THSD7B: variants seen among roughly 807,000 people sequenced by gnomAD.
The protein encoded by THSD7B is thrombospondin type-1 domain-containing protein 7B.
In THSD7B, 138 loss-of-function variants were observed where a neutral mutation model predicts 213.6. The observed-to-expected ratio is 0.65, with a 90% CI of 0.56 to 0.74. THSD7B has a LOEUF of 0.74. Ranked by LOEUF, THSD7B falls within the 30% of genes least tolerant of loss-of-function variation. The probability of loss-of-function intolerance (pLI) is 0.00; values close to 1 mark genes in which losing one functional copy is unlikely to be tolerated. For missense variants in THSD7B, 1,931 were observed against 1,991.5 expected, an observed-to-expected ratio of 0.97 and a Z score of 0.58; for synonymous variants, 742 against 687.0, an observed-to-expected ratio of 1.08 and a Z score of -1.25.
chr2:137,566,997 A>C (rs190048895), intron 16 of THSD7B, among the ~76,000 whole-genome samples: 10 of 152,202 alleles, frequency 6.6e-5, no homozygotes, highest in Admixed American at 2.0e-4. Flanking sequence ...AAAAAGCAGG[A>C]GCCTTCTTGG....
chr2:137,604,417 A>T (rs564804634), intron 17 of THSD7B, among the ~76,000 whole-genome samples: 40 of 152,256 alleles, frequency 2.6e-4, no homozygotes, highest in African/African-American at 9.4e-4. Context: ...CAGATGTGTG[A>T]TCTATATTCC....
chr2:137,232,583 T>C (rs1681665000), intron 8 of THSD7B, among the ~76,000 whole-genome samples: 1 of 152,194 alleles, frequency 6.6e-6, no homozygotes, highest in African/African-American at 2.4e-5. Flanking sequence ...TAGAAATATT[T>C]TTTGAAAAGC....
chr2:137,650,295 C>CT (rs1340853820), intron 21 of THSD7B, among the ~76,000 whole-genome samples: 1 of 152,002 alleles, frequency 6.6e-6, no homozygotes, highest in East Asian at 1.9e-4. Flanking sequence ...AGCTCTTTCA[C>CT]TTTTTTTGGT....
intron 16 of THSD7B, among the ~76,000 whole-genome samples, chr2:137,563,942 A>G (rs753067313): frequency 2.0e-5 from 3 of 152,190 alleles, no homozygotes; most frequent in Non-Finnish European, 4.4e-5. Flanking sequence ...CAAAGGAAAT[A>G]CATGGTCTGA....
intron 14 of THSD7B, among the ~76,000 whole-genome samples, chr2:137,443,938 T>C (rs1296093633): frequency 6.6e-6 from 1 of 152,120 alleles, no homozygotes; most frequent in Non-Finnish European, 1.5e-5. Context: ...TCAGTTATCA[T>C]ATTGTGGATC....
Position 137,272,539 on chromosome 2 carries a change from C to T in THSD7B, c.2273C>T (p.Ala758Val). The change falls in exon 11 of 28, where the codon GCC becomes GTC. Residue 758 changes from alanine (A) to valine (V), a missense_variant. Transcript: ENST00000409968. ...TCTTTTTCCTTTACTTCAGGAAATG[C>T]CACAGTAAAACAGTCTCGATACAGA... ...PCPRMCQAGNATVKQSRYRII... is the reference protein window; with the variant it reads ...PCPRMCQAGNVTVKQSRYRII... 2 of 1,604,076 alleles carry T rather than the reference C, an allele frequency of 1.2e-6. No individual in the cohort carries two copies. The highest frequency in any genetic ancestry group is 1.7e-6 in the Non-Finnish European group (2 of 1,176,932).
chr2:137,125,483 C>T (rs1275819517), intron 5 of THSD7B, among the ~76,000 whole-genome samples: 1 of 152,190 alleles, frequency 6.6e-6, no homozygotes, highest in African/African-American at 2.4e-5. Context: ...GCAATTCAGT[C>T]ACATCTTTAG....
At chr2:137,421,977 A>G (rs1180916447) in intron 14 of THSD7B, among the ~76,000 whole-genome samples, 3 of 152,208 alleles carry the variant, frequency 2.0e-5, no homozygotes, top group Non-Finnish European at 4.4e-5. Context: ...AAGGAATAAA[A>G]CCTGAAAATC....
intron 6 of THSD7B, among the ~76,000 whole-genome samples, chr2:137,168,620 C>G (rs1186870162): frequency 6.6e-6 from 1 of 152,060 alleles, no homozygotes; most frequent in Admixed American, 6.6e-5. Context: ...TGAACATGCC[C>G]CTCAATGGCA....
intron 15 of THSD7B, among the ~76,000 whole-genome samples, chr2:137,561,313 A>T (rs532051357): frequency 1.3e-3 from 201 of 152,312 alleles, no homozygotes; most frequent in African/African-American, 4.6e-3. Context: ...TTGGGGCTTT[A>T]TATGGGAGGG....
At chr2:137,352,540 C>T (rs1024804603) in intron 12 of THSD7B, among the ~76,000 whole-genome samples, 4 of 151,972 alleles carry the variant, frequency 2.6e-5, no homozygotes, top group African/African-American at 7.2e-5. Context: ...AAAGTCATCA[C>T]CCCATGGTTT....
chr2:136,888,287 T>C (rs1683753437), intron 2 of THSD7B, among the ~76,000 whole-genome samples: 1 of 152,092 alleles, frequency 6.6e-6, no homozygotes, highest in African/African-American at 2.4e-5. Flanking sequence ...AGTATATAAA[T>C]TGGAATTAAT....
At chr2:136,890,608 C>T (rs1293360595) in intron 2 of THSD7B, among the ~76,000 whole-genome samples, 12 of 139,150 alleles carry the variant, frequency 8.6e-5, no homozygotes, top group Non-Finnish European at 1.2e-4. Context: ...GGTGTGATCT[C>T]GGCTCACTGC....
chr2:137,062,539 A>G (rs1396704143), intron 3 of THSD7B, among the ~76,000 whole-genome samples: 1 of 151,550 alleles, frequency 6.6e-6, no homozygotes, highest in Non-Finnish European at 1.5e-5. Flanking sequence ...AGTTCTAAAT[A>G]TTTTTGCATT....
chr2:137,208,437 C>CT (rs61622962), intron 7 of THSD7B, among the ~76,000 whole-genome samples: 90,252 of 151,766 alleles, frequency 0.59, 27,236 homozygotes, highest in South Asian at 0.71. Context: ...TTAAGAATTC[C>CT]TTTTTATTTT....
chr2:137,122,053 A>G (rs1213492608), intron 5 of THSD7B, among the ~76,000 whole-genome samples: 1 of 152,124 alleles, frequency 6.6e-6, no homozygotes, highest in Non-Finnish European at 1.5e-5. Context: ...AGAAACAAGG[A>G]GCATTACTGG....
chr2:137,600,553 C>T (rs1682056173), intron 17 of THSD7B, among the ~76,000 whole-genome samples: 1 of 152,144 alleles, frequency 6.6e-6, no homozygotes, highest in Admixed American at 6.5e-5. Context: ...GCCTGGCCAA[C>T]ATGGCGAAAC....
chr2:137,272,492 A>T, intron 10 of THSD7B, 41 bp from the exon 11 acceptor site: 1 of 1,565,312 alleles, frequency 6.4e-7, no homozygotes, highest in Non-Finnish European at 8.6e-7. Context: ...CTGCATCAAC[A>T]TAAAAGGGCA....
At chr2:137,060,270 T>C (rs1687246859) in intron 3 of THSD7B, among the ~76,000 whole-genome samples, 1 of 152,132 alleles carries the variant, frequency 6.6e-6, no homozygotes, top group African/African-American at 2.4e-5. Context: ...CAGTCCTTTA[T>C]CAGATATGTG....
Sources: allele counts gnomAD v4.1 joint callset (sites outside exome capture counted in the v4.1 genomes callset), GRCh38; gene constraint gnomAD v4.1.1; transcripts MANE v1.5; gene names NCBI Gene and HGNC (gene_info 2026-07-23, HGNC 2026-07-21).